The following SNX8 variants were observed in gnomAD, a reference collection of about 807,000 sequenced individuals.
The protein encoded by SNX8 is sorting nexin-8.
SNX8 carries 25 observed loss-of-function variants against 51.6 expected under a neutral mutation model. The observed-to-expected ratio is 0.48, with a 90% CI of 0.35 to 0.68. SNX8 has a LOEUF of 0.68. SNX8 is among the 30% of genes least tolerant of loss of function. SNX8 has a pLI of 0.00. For missense variants in SNX8, 695 were observed against 624.0 expected (o/e 1.11, Z -1.21); for synonymous variants, 324 against 277.0 (o/e 1.17, Z -1.68).
chr7:2,330,928 T>C (rs910243984), intron 1 of SNX8, among the ~76,000 whole-genome samples: 2 of 152,042 alleles, frequency 1.3e-5, no homozygotes, highest in Admixed American at 6.6e-5. Flanking sequence ...CTCACGCCTG[T>C]GATCCCAAAA....
intron 1 of SNX8, among the ~76,000 whole-genome samples, chr7:2,320,910 C>T (rs1199893491): frequency 6.6e-6 from 1 of 152,058 alleles, no homozygotes; most frequent in Non-Finnish European, 1.5e-5. Context: ...ATCCCAACTA[C>T]TTGGGAGGCT....
rs559129123 is a variant in SNX8, at chr7:2,324,351, T to C, written c.-66+29871A>G. Among the ~76,000 whole-genome samples, 780 of 149,516 alleles carry C rather than the reference T, an allele frequency of 5.2e-3. 3 individuals carry two copies. Among genetic ancestry groups the C allele is most frequent in the Non-Finnish European group, 7.9e-3 (535 of 67,450 alleles). Reference sequence around the variant, plus strand: ...TGTCGTCCAGGCTAGAGTGCAGTGGTGTGATCTTGGCTCACTACAACCTCC... The same window carrying C: ...TGTCGTCCAGGCTAGAGTGCAGTGGCGTGATCTTGGCTCACTACAACCTCC... On this transcript the variant is annotated intron_variant, in intron 1 of 5. Transcript: ENST00000435336.
At chr7:2,351,916 T>TG (rs1346046501) in intron 1 of SNX8, among the ~76,000 whole-genome samples, 5 of 146,884 alleles carry the variant, frequency 3.4e-5, no homozygotes, top group South Asian at 4.2e-4. Context: ...TTTTTTTTTT[T>TG]TTTTTTTTTT....
intron 1 of SNX8, among the ~76,000 whole-genome samples, chr7:2,321,868 C>T (rs1243136154): frequency 6.6e-6 from 1 of 151,788 alleles, no homozygotes; most frequent in Non-Finnish European, 1.5e-5. Flanking sequence ...GGATTACAGG[C>T]GCCCGCCACC....
At position 2,261,935 on chromosome 7, in the gene SNX8, G is replaced by A. The variant is rs375149942; in HGVS notation, c.915+1295C>T. Reference sequence around the variant, plus strand: ...GGCTCAGGGGAAGCACAGCCCTCACGGGCACACTCTGATCACTCTCTTCAA... The same window carrying A: ...GGCTCAGGGGAAGCACAGCCCTCACAGGCACACTCTGATCACTCTCTTCAA... On this transcript the variant is annotated intron_variant, in intron 7 of 10. Coordinates refer to ENST00000222990, the MANE Select transcript of SNX8 (RefSeq NM_013321.4). 1.7e-4 allele frequency among the ~76,000 whole-genome samples: 26 copies of A among 152,346 alleles called. 1 individual carries two copies. In the East Asian group the frequency reaches 4.2e-3, roughly 25 times the overall value.
chr7:2,326,974 A>G (rs997400798), intron 1 of SNX8, among the ~76,000 whole-genome samples: 2 of 152,112 alleles, frequency 1.3e-5, no homozygotes, highest in Admixed American at 1.3e-4. Context: ...TTTTTAAAAA[A>G]TATTACGAAC....
At chr7:2,347,558 C>G (rs1034784721) in intron 1 of SNX8, among the ~76,000 whole-genome samples, 5 of 147,582 alleles carry the variant, frequency 3.4e-5, no homozygotes, top group Non-Finnish European at 5.9e-5. Context: ...CAGGAGGAAA[C>G]CAGCATGGTC....
chr7:2,334,329 G>T (rs529391925), intron 1 of SNX8, among the ~76,000 whole-genome samples: 36 of 152,050 alleles, frequency 2.4e-4, no homozygotes, highest in Non-Finnish European at 4.7e-4. Context: ...CTTGAACCCG[G>T]GAGGCAGACG....
At chr7:2,299,160 G>A (rs1287547495) in intron 1 of SNX8, among the ~76,000 whole-genome samples, 6 of 151,944 alleles carry the variant, frequency 3.9e-5, no homozygotes, top group Non-Finnish European at 7.4e-5. Context: ...CTGAGGTTCC[G>A]TGGATGATTA....
chr7:2,324,403 G>C (rs1257364623), intron 1 of SNX8, among the ~76,000 whole-genome samples: 1 of 149,392 alleles, frequency 6.7e-6, no homozygotes, highest in Non-Finnish European at 1.5e-5. Context: ...CAATTCTCCT[G>C]CCTCAGCCTC....
Position 2,275,214 on chromosome 7 carries a change from C to T in SNX8, c.316G>A (p.Val106Ile), listed in dbSNP as rs761714694. The change falls in exon 3 of 11, where the codon GTA becomes ATA. Residue 106 changes from valine (V) to isoleucine (I), a missense_variant. Transcript: ENST00000222990. ...EVSSQRFKSS[V>I]YRRYNDFVVF... ...ACGAAGTCATTGTACCGTCTGTATA[C>T]CGAGGACTTGAAGCGCTGCAAGAGA... The T allele has an allele frequency of 6.2e-7, 1 of 1,613,522 alleles. No homozygotes were observed. The highest frequency in any genetic ancestry group is 8.5e-7 in the Non-Finnish European group (1 of 1,179,430).
intron 1 of SNX8, among the ~76,000 whole-genome samples, chr7:2,294,292 GAAAA>G (rs981729533): frequency 6.8e-6 from 1 of 147,176 alleles, no homozygotes; most frequent in African/African-American, 2.5e-5. Context: ...AGAAAAAAAA[GAAAA>G]AAAAAAGATG....
intron 10 of SNX8, among the ~76,000 whole-genome samples, chr7:2,255,917 G>C (rs961264214): frequency 2.6e-5 from 4 of 152,242 alleles, no homozygotes; most frequent in African/African-American, 4.8e-5. Context: ...GAGAAGGGCA[G>C]GGCGCACCCT....
chr7:2,307,054 C>A (rs1312660262), intron 1 of SNX8, among the ~76,000 whole-genome samples: 1 of 152,020 alleles, frequency 6.6e-6, no homozygotes, highest in African/African-American at 2.4e-5. Flanking sequence ...GCTAAAAAGA[C>A]CCCCATTAAA....
At chr7:2,333,879 G>A (rs1378258531) in intron 1 of SNX8, among the ~76,000 whole-genome samples, 1 of 152,214 alleles carries the variant, frequency 6.6e-6, no homozygotes, top group African/African-American at 2.4e-5. Flanking sequence ...GCTCATGCCC[G>A]TAATCCCAGC....
intron 3 of SNX8, among the ~76,000 whole-genome samples, chr7:2,272,208 G>C (rs969028887): frequency 6.6e-6 from 1 of 152,178 alleles, no homozygotes; most frequent in African/African-American, 2.4e-5. Flanking sequence ...GAGCTGCCAA[G>C]GAAAACCACA....
chr7:2,264,517 G>A (rs1177137891), intron 5 of SNX8, 59 bp from the exon 6 acceptor site: 22 of 1,527,756 alleles, frequency 1.4e-5, no homozygotes, highest in Non-Finnish European at 1.9e-5. Context: ...CCTGTCAGAC[G>A]GCAGCAGCCG....
intron 1 of SNX8, among the ~76,000 whole-genome samples, chr7:2,309,460 G>T (rs934638671): frequency 6.6e-6 from 1 of 152,096 alleles, no homozygotes; most frequent in Non-Finnish European, 1.5e-5. Flanking sequence ...AGCCGGGCGC[G>T]GTGGCTCACG....
chr7:2,307,709 C>T (rs1418183440), intron 1 of SNX8: 1 of 151,040 alleles, frequency 6.6e-6, no homozygotes, highest in African/African-American at 2.4e-5. Context: ...CATGCACTCT[C>T]GGGCTCTGTG....
Sources: allele counts gnomAD v4.1 joint callset (sites outside exome capture counted in the v4.1 genomes callset), GRCh38; gene constraint gnomAD v4.1.1; transcripts MANE v1.5; gene names NCBI Gene and HGNC (gene_info 2026-07-23, HGNC 2026-07-21).